The following FAM78B variants were observed in gnomAD, a reference collection of about 807,000 sequenced individuals.
FAM78B encodes the protein protein FAM78B.
Under a neutral mutation model 20.0 loss-of-function variants are expected in FAM78B, and 10 were observed. The observed-to-expected ratio is 0.50, with a 90% confidence interval of 0.31 to 0.85. FAM78B has a LOEUF of 0.85. FAM78B is among the 40% of genes least tolerant of loss of function. The probability of loss-of-function intolerance (pLI) is 0.05; values close to 1 mark genes in which losing one functional copy is unlikely to be tolerated. For synonymous variants in FAM78B, 135 were observed against 132.8 expected (o/e 1.02, Z -0.12); for missense variants, 283 against 345.0 (o/e 0.82, Z 1.42).
In FAM78B at chr1:166,111,684, G is replaced by A. The variant is rs114994666; in HGVS notation, c.264-40921C>T. On this transcript the variant is annotated intron_variant, in intron 1 of 1. Transcript: ENST00000354422. ...AAAACTGTCAAGTGGTAAGTGGACT[G>A]GGATGCCCTCTGCATGGGGGTTTTT... Among the ~76,000 whole-genome samples the A allele has an allele frequency of 1.2e-3, 176 of 152,368 alleles. 1 individual carries two copies. Among genetic ancestry groups the A allele is most frequent in the African/African-American group, 4.1e-3 (169 of 41,586 alleles).
In FAM78B at chr1:166,158,262, C is replaced by T. The variant is rs149765110; in HGVS notation, c.263+7724G>A. ...ATCACTTGGGCCCAGGGGATCCAGG[C>T]TGCAATGAGCTGTGATTGTGCCACT... On this transcript the variant is annotated intron_variant, in intron 1 of 1. Coordinates refer to ENST00000354422, the MANE Select transcript of FAM78B (RefSeq NM_001017961.5). 3.2e-3 allele frequency among the ~76,000 whole-genome samples: 484 copies of T among 152,290 alleles called. 3 individuals carry two copies. The highest frequency in any genetic ancestry group is 0.011 in the African/African-American group (464 of 41,580).
At chr1:166,162,001 T>C (rs540234786) in intron 1 of FAM78B, among the ~76,000 whole-genome samples, 1 of 152,160 alleles carries the variant, frequency 6.6e-6, no homozygotes, top group South Asian at 2.1e-4. Flanking sequence ...AAGAAAAAAG[T>C]CCCATTAACT....
At chr1:166,095,950 C>T (rs1653259896) in intron 1 of FAM78B, among the ~76,000 whole-genome samples, 1 of 152,080 alleles carries the variant, frequency 6.6e-6, no homozygotes, top group Non-Finnish European at 1.5e-5. Context: ...ATGTAATTCC[C>T]CAGCTGGAAA....
chr1:166,165,141 C>T (rs1319951252), intron 1 of FAM78B: 1 of 152,284 alleles, frequency 6.6e-6, no homozygotes, highest in East Asian at 1.9e-4. Context: ...AGTTGGAGAG[C>T]TCCCAGCTCG....
intron 1 of FAM78B, among the ~76,000 whole-genome samples, chr1:166,128,137 T>C (rs1403005359): frequency 6.6e-6 from 1 of 152,206 alleles, no homozygotes; most frequent in East Asian, 1.9e-4. Flanking sequence ...CCAACAAAAG[T>C]AATTCTGACA....
In FAM78B at chr1:166,077,959, A is replaced by ATAATATATATAAT. The variant is rs1553215027; in HGVS notation, c.264-7197_264-7196insATTATATATATTA. 7.0e-3 allele frequency among the ~76,000 whole-genome samples: 13 copies of ATAATATATATAAT among 1,864 alleles called. 2 individuals are homozygous for ATAATATATATAAT. Among genetic ancestry groups the ATAATATATATAAT allele is most frequent in the African/African-American group, 0.017 (12 of 690 alleles). 1.2% of individuals were successfully genotyped at this position (1,864 alleles called of 152,430 possible). On this transcript the variant is annotated intron_variant, in intron 1 of 1. Transcript: ENST00000354422. The stretch of plus-strand genomic sequence containing the variant: ...ATAATATATATAATTTATATATATA[A>ATAATATATATAAT]TTATATATATAATAAATATATATAA...
chr1:166,075,171 G>A (rs1319390070), intron 1 of FAM78B, among the ~76,000 whole-genome samples: 1 of 152,164 alleles, frequency 6.6e-6, no homozygotes, highest in Non-Finnish European at 1.5e-5. Context: ...CTGCGAGGAA[G>A]AAGAGTAATG....
chr1:166,128,090 G>A (rs977190532), intron 1 of FAM78B, among the ~76,000 whole-genome samples: 10 of 152,214 alleles, frequency 6.6e-5, no homozygotes, highest in Admixed American at 5.9e-4. Context: ...CATAGGAAGT[G>A]AAGGAAATGT....
In FAM78B at chr1:166,070,041, C is replaced by T; in HGVS notation, c.*200G>A. 8.0e-7 allele frequency: 1 copy of T among 1,256,642 alleles called. No individual in the cohort carries two copies. Among genetic ancestry groups the T allele is most frequent in the Non-Finnish European group, 1.0e-6 (1 of 998,110 alleles). 77.8% of individuals were successfully genotyped at this position (1,256,642 alleles called of 1,614,324 possible). On this transcript the variant is annotated 3_prime_UTR_variant, in exon 2 of 2. Transcript: ENST00000354422. ...CTGTCAAATCAGTGATTTCTTTATTCCTAAGAGGAAGGGATTTTTCCTAAG... is the reference window on the plus strand; with the variant it reads ...CTGTCAAATCAGTGATTTCTTTATTTCTAAGAGGAAGGGATTTTTCCTAAG...
At chr1:166,065,244 T>G (rs1651755328), downstream of FAM78B, among the ~76,000 whole-genome samples, 1 of 152,214 alleles carries the variant, frequency 6.6e-6, no homozygotes, top group Non-Finnish European at 1.5e-5. Context: ...AAAATATCTG[T>G]GTGCAGAGGG....
chr1:166,106,775 A>C (rs1182956196), intron 1 of FAM78B, among the ~76,000 whole-genome samples: 1 of 152,154 alleles, frequency 6.6e-6, no homozygotes, highest in Non-Finnish European at 1.5e-5. Flanking sequence ...ATTGGGTATT[A>C]TGCTCATTAC....
intron 1 of FAM78B, among the ~76,000 whole-genome samples, chr1:166,148,145 G>T (rs1655535140): frequency 6.6e-6 from 1 of 152,190 alleles, no homozygotes; most frequent in African/African-American, 2.4e-5. Context: ...GATATGAGGG[G>T]TCTAGAGAGC....
intron 1 of FAM78B, among the ~76,000 whole-genome samples, chr1:166,077,976 T>G (rs1652395705): frequency 1.4e-5 from 1 of 72,120 alleles, no homozygotes; most frequent in East Asian, 5.1e-4. Context: ...ATATAATAAA[T>G]ATATATAATT....
At chr1:166,102,826 A>G (rs1228263134) in intron 1 of FAM78B, among the ~76,000 whole-genome samples, 2 of 152,214 alleles carry the variant, frequency 1.3e-5, no homozygotes, top group East Asian at 1.9e-4. Context: ...AAGGATATCC[A>G]GGAATTGAAC....
intron 1 of FAM78B, among the ~76,000 whole-genome samples, chr1:166,101,773 G>A (rs1194838728): frequency 6.6e-6 from 1 of 151,996 alleles, no homozygotes; most frequent in Non-Finnish European, 1.5e-5. Context: ...GAACCAAGTT[G>A]GAAAACACTC....
intron 1 of FAM78B, among the ~76,000 whole-genome samples, chr1:166,115,302 G>C (rs1654213116): frequency 6.6e-6 from 1 of 152,218 alleles, no homozygotes; most frequent in Non-Finnish European, 1.5e-5. Context: ...TGAGAATGTT[G>C]TCACATTGTC....
intron 1 of FAM78B, among the ~76,000 whole-genome samples, chr1:166,123,577 A>G (rs952255137): frequency 6.6e-6 from 1 of 152,240 alleles, no homozygotes; most frequent in African/African-American, 2.4e-5. Flanking sequence ...TCCTTAGTCT[A>G]CTAGTCAGGA....
Position 166,063,293 on chromosome 1 carries a change from C to T in FAM78B, c.*410-2630G>A, listed in dbSNP as rs144181623. Among the ~76,000 whole-genome samples, 426 of 152,342 alleles carry T rather than the reference C, an allele frequency of 2.8e-3. 3 individuals carry two copies. The highest frequency in any genetic ancestry group is 4.3e-3 in the Non-Finnish European group (292 of 68,032). Reference sequence around the variant, plus strand: ...AGAACAAGTATTCAGAGGGATACCACAACATCCTCCCTGCTTGATCTTCTT... The same window carrying T: ...AGAACAAGTATTCAGAGGGATACCATAACATCCTCCCTGCTTGATCTTCTT... On this transcript the variant is annotated intron_variant and NMD_transcript_variant, in intron 2 of 2. Coordinates refer to the FAM78B transcript ENST00000435676.
chr1:166,096,430 T>G (rs372253075), intron 1 of FAM78B, among the ~76,000 whole-genome samples: 164 of 152,174 alleles, frequency 1.1e-3, no homozygotes, highest in African/African-American at 3.7e-3. Flanking sequence ...TCTACATCCA[T>G]CTCTTCTCCA....
Sources: gnomAD v4.1 joint callset for allele counts (sites outside exome capture counted in the v4.1 genomes callset) on GRCh38, gnomAD v4.1.1 for gene constraint, MANE v1.5 for transcripts, NCBI Gene and HGNC (gene_info 2026-07-23, HGNC 2026-07-21) for gene names.